Variants in DPP10 observed in about 807,000 individuals in gnomAD.
DPP10 encodes the protein dipeptidyl peptidase like 10, also known as inactive dipeptidyl peptidase 10.
A neutral mutation model predicts 120.9 loss-of-function variants in DPP10; 33 were observed. The ratio of observed to expected loss-of-function variants is 0.27; its 90% CI spans 0.21 to 0.37. The LOEUF (loss-of-function observed/expected upper bound fraction) is 0.37. Ranked by LOEUF, DPP10 falls within the 10% of genes least tolerant of loss-of-function variation. The pLI is 1.00. For synonymous variants in DPP10, 337 were observed against 326.1 expected (o/e 1.03, Z -0.36); for missense variants, 816 against 942.8 (o/e 0.87, Z 1.76).
intron 1 of DPP10, among the ~76,000 whole-genome samples, chr2:114,500,968 G>A (rs574666316): frequency 7.2e-4 from 110 of 152,310 alleles, no homozygotes; most frequent in African/African-American, 2.2e-3. Flanking sequence ...CACTTTCCAT[G>A]CACTTCATAC....
intron 1 of DPP10, among the ~76,000 whole-genome samples, chr2:114,865,705 T>G (rs1294929336): frequency 6.6e-6 from 1 of 152,192 alleles, no homozygotes; most frequent in Non-Finnish European, 1.5e-5. Flanking sequence ...TCTGCTACAC[T>G]TATTTCTGCT....
At chr2:115,756,549 A>G (rs1351675486) in intron 11 of DPP10, among the ~76,000 whole-genome samples, 1 of 152,128 alleles carries the variant, frequency 6.6e-6, no homozygotes, top group Non-Finnish European at 1.5e-5. Flanking sequence ...TACATCAATT[A>G]AAGATAAAAA....
rs1257399105 is a variant in DPP10 at position 115,689,759 on chromosome 2, A to G, written c.494+20A>G. ...CACTAGGTAAGTTCTTTGATTTTCTAGTTTTCATGAGCAATTGTGTTACTA... is the reference window on the plus strand; with the variant it reads ...CACTAGGTAAGTTCTTTGATTTTCTGGTTTTCATGAGCAATTGTGTTACTA... On this transcript the variant is annotated intron_variant, in intron 6 of 25. Coordinates refer to ENST00000410059, the MANE Select transcript of DPP10 (RefSeq NM_020868.6). The G allele has an allele frequency of 1.2e-6, 2 of 1,605,460 alleles. No homozygotes were observed. The highest frequency in any genetic ancestry group is 1.7e-6 in the Non-Finnish European group (2 of 1,173,538).
intron 1 of DPP10, among the ~76,000 whole-genome samples, chr2:114,990,951 T>G (rs1200448792): frequency 6.6e-6 from 1 of 152,140 alleles, no homozygotes; most frequent in Non-Finnish European, 1.5e-5. Flanking sequence ...TTAACATTTA[T>G]AAATAGCAAA....
intron 11 of DPP10, among the ~76,000 whole-genome samples, chr2:115,755,385 T>G (rs1333460833): frequency 1.3e-5 from 2 of 152,074 alleles, no homozygotes; most frequent in African/African-American, 4.8e-5. Flanking sequence ...GAACTGATTT[T>G]CAACAAATGC....
At chr2:115,606,501 A>G (rs1263536858) in intron 5 of DPP10, among the ~76,000 whole-genome samples, 2 of 152,098 alleles carry the variant, frequency 1.3e-5, no homozygotes, top group African/African-American at 2.4e-5. Flanking sequence ...TGTTTCCTTC[A>G]CTTTCCTCTT....
intron 1 of DPP10, among the ~76,000 whole-genome samples, chr2:114,528,380 TGA>T (rs1386045232): frequency 7.2e-5 from 11 of 152,152 alleles, no homozygotes; most frequent in Non-Finnish European, 7.3e-5. Context: ...AATCACTTTG[TGA>T]GAGTGAACAC....
At chr2:115,222,838 T>C (rs2057244821) in intron 1 of DPP10, among the ~76,000 whole-genome samples, 1 of 152,176 alleles carries the variant, frequency 6.6e-6, no homozygotes, top group Admixed American at 6.6e-5. Context: ...TGGGGCTCTT[T>C]TTATTACATT....
At chr2:114,592,666 A>G (rs565974839) in intron 1 of DPP10, among the ~76,000 whole-genome samples, 3 of 150,938 alleles carry the variant, frequency 2.0e-5, no homozygotes, top group South Asian at 2.1e-4. Flanking sequence ...CTTCCCCCTG[A>G]AAAAAAAACC....
At chr2:115,612,669 T>C (rs1452487623) in intron 5 of DPP10, among the ~76,000 whole-genome samples, 2 of 152,192 alleles carry the variant, frequency 1.3e-5, no homozygotes, top group Non-Finnish European at 1.5e-5. Flanking sequence ...TTAGCTATTA[T>C]GTTCCTGGGC....
intron 5 of DPP10, among the ~76,000 whole-genome samples, chr2:115,620,289 A>C (rs185352243): frequency 6.6e-6 from 1 of 152,338 alleles, no homozygotes; most frequent in Non-Finnish European, 1.5e-5. Flanking sequence ...ATCTGTTATG[A>C]GAGTACAGTG....
chr2:115,178,029 A>G (rs1035912957), intron 1 of DPP10, among the ~76,000 whole-genome samples: 2 of 152,114 alleles, frequency 1.3e-5, no homozygotes, highest in African/African-American at 2.4e-5. Flanking sequence ...TCCCAAAGTG[A>G]CATTGCTTTT....
chr2:115,176,570 A>G (rs2053707147), intron 1 of DPP10, among the ~76,000 whole-genome samples: 1 of 152,154 alleles, frequency 6.6e-6, no homozygotes, highest in Non-Finnish European at 1.5e-5. Flanking sequence ...TCCTGTTATT[A>G]AGTGGAGGCC....
chr2:114,987,811 T>TTTTTTTTTTTTTTA (rs1341089755), intron 1 of DPP10, among the ~76,000 whole-genome samples: 4 of 134,288 alleles, frequency 3.0e-5, no homozygotes, highest in African/African-American at 1.1e-4. Context: ...TGTCTTTTTT[T>TTTTTTTTTTTTTTA]TTTTTATTTT....
chr2:114,978,918 A>T (rs2104840814), intron 1 of DPP10, among the ~76,000 whole-genome samples: 1 of 152,250 alleles, frequency 6.6e-6, no homozygotes, highest in South Asian at 2.1e-4. Context: ...CACACTGTTG[A>T]CATTTTCCAT....
intron 5 of DPP10, among the ~76,000 whole-genome samples, chr2:115,635,970 C>T (rs2086290819): frequency 1.3e-5 from 2 of 152,074 alleles, no homozygotes; most frequent in African/African-American, 4.8e-5. Context: ...AAAGGTGGAA[C>T]ATGTCCCTTT....
chr2:114,993,353 G>A (rs1222198925), intron 1 of DPP10, among the ~76,000 whole-genome samples: 1 of 70,744 alleles, frequency 1.4e-5, no homozygotes, highest in Non-Finnish European at 2.7e-5. Flanking sequence ...CTTGGCACAG[G>A]GTGAATAATA....
intron 1 of DPP10, among the ~76,000 whole-genome samples, chr2:115,241,550 A>G (rs1256793347): frequency 6.6e-6 from 1 of 152,208 alleles, no homozygotes; most frequent in African/African-American, 2.4e-5. Flanking sequence ...TAAATCAGTA[A>G]TAGCATATTG....
chr2:115,208,768 G>C (rs1488575197), intron 1 of DPP10, among the ~76,000 whole-genome samples: 5 of 152,104 alleles, frequency 3.3e-5, no homozygotes, highest in African/African-American at 4.8e-5. Context: ...CTGCCCTTCT[G>C]GGGAGTTCAA....
Sources: allele counts gnomAD v4.1 joint callset (sites outside exome capture counted in the v4.1 genomes callset), GRCh38; gene constraint gnomAD v4.1.1; transcripts MANE v1.5; gene names NCBI Gene and HGNC (gene_info 2026-07-23, HGNC 2026-07-21).